SH2D3C: variants seen among roughly 807,000 people sequenced by gnomAD.
SH2D3C encodes SH2 domain containing 3C.
In SH2D3C, 25 loss-of-function variants were observed where a neutral mutation model predicts 75.2. The ratio of observed to expected loss-of-function variants is 0.33; its 90% CI spans 0.24 to 0.46. The LOEUF (loss-of-function observed/expected upper bound fraction) is 0.46, where lower values mean the gene tolerates loss of function less well. Ranked by LOEUF, SH2D3C falls within the 20% of genes least tolerant of loss-of-function variation. The pLI is 1.00. For synonymous variants in SH2D3C, 450 were observed against 473.7 expected (o/e 0.95, Z 0.65); for missense variants, 933 against 1,165.3 (o/e 0.80, Z 2.90).
Position 127,744,932 on chromosome 9 carries a change from C to A in SH2D3C, c.1432G>T (p.Ala478Ser). 1.3e-6 allele frequency: 2 copies of A among 1,594,194 alleles called. No individual in the cohort carries two copies. Among genetic ancestry groups the A allele is most frequent in the South Asian group, 2.3e-5 (2 of 88,284 alleles). The change falls in exon 7 of 12, where the codon GCC becomes TCC. Residue 478 changes from alanine (A) to serine (S), a missense_variant. Coordinates refer to ENST00000314830, the MANE Select transcript of SH2D3C (RefSeq NM_170600.3). The stretch of plus-strand genomic sequence containing the variant: ...CTGCTGAGTGATGGTGACGGGGAGG[C>A]CTTGCCAAGGGTGTGGGAGGGGCTG... ...HTSPSHTLGK[A>S]SPSPSLSSYS... is the part of the protein sequence containing the mutation.
chr9:127,760,440 T>A (rs1313211669), intron 3 of SH2D3C, among the ~76,000 whole-genome samples: 1 of 151,798 alleles, frequency 6.6e-6, no homozygotes, highest in Non-Finnish European at 1.5e-5. Flanking sequence ...CCATTAAGAG[T>A]ATGTGGTGTA....
rs754316927 is a variant in SH2D3C, at chr9:127,738,938, T to C, written c.2408-17A>G. The C allele has an allele frequency of 6.4e-6, 10 of 1,550,722 alleles. No homozygotes were observed. The highest frequency in any genetic ancestry group is 1.4e-5 in the African/African-American group (1 of 73,730). The stretch of plus-strand genomic sequence containing the variant: ...CCTGGAACCCTGCAGTGTTGGGGCA[T>C]AGGGTCAGGGCAGAGGCTGGGGTTC... On this transcript the variant is annotated splice_polypyrimidine_tract_variant and intron_variant, in intron 11 of 11. Transcript: ENST00000314830. The surrounding 1 kb of genome is among the most constrained non-coding windows in gnomAD (Gnocchi z 5.0).
intron 2 of SH2D3C, among the ~76,000 whole-genome samples, chr9:127,766,538 T>G (rs565431529): frequency 1.6e-4 from 24 of 152,336 alleles, no homozygotes; most frequent in Admixed American, 3.3e-4. Flanking sequence ...CCTGGGGGGC[T>G]GAAGTTTCTT....
In SH2D3C at chr9:127,774,902, C is replaced by G. The variant is rs898186822; in HGVS notation, c.38-435G>C. Among the ~76,000 whole-genome samples, 1 of 152,090 alleles carries G rather than the reference C, an allele frequency of 6.6e-6. No homozygotes were observed. The highest frequency in any genetic ancestry group is 2.4e-5 in the African/African-American group (1 of 41,408). ...GTCAGGAGTTCGAGACCAGCCTGGA[C>G]AACATGATGAAACCCCTTCTCTACT... On this transcript the variant is annotated intron_variant, in intron 1 of 11. Transcript: ENST00000314830. This position sits in a 1 kb window ranked among gnomAD's most constrained non-coding sequence, Gnocchi z 4.3.
At chr9:127,745,806 T>C (rs1229504873) in intron 6 of SH2D3C, among the ~76,000 whole-genome samples, 1 of 152,122 alleles carries the variant, frequency 6.6e-6, no homozygotes, top group Non-Finnish European at 1.5e-5. Context: ...GAATTAGCAA[T>C]AATGATTTGT....
chr9:127,771,388 G>A (rs764653511), intron 2 of SH2D3C: 5 of 1,321,666 alleles, frequency 3.8e-6, no homozygotes, highest in Admixed American at 4.0e-5. Context: ...CTCCTTGCCC[G>A]GCCCCACTCC....
At chr9:127,773,584 T>C (rs372732635) in intron 2 of SH2D3C, among the ~76,000 whole-genome samples, 2 of 152,194 alleles carry the variant, frequency 1.3e-5, no homozygotes, top group East Asian at 3.8e-4. Context: ...GCACAGTACC[T>C]GGTCTACAGT....
chr9:127,761,601 C>T lies in SH2D3C; in HGVS notation c.555+10G>A, dbSNP rs761749734. 3 of 1,607,032 alleles carry T rather than the reference C, an allele frequency of 1.9e-6. No individual in the cohort carries two copies. The South Asian group carries it at 3.3e-5, about 18-fold the overall frequency. The stretch of plus-strand genomic sequence containing the variant: ...TGTCCTCTGACCAACCCCTGGCCAG[C>T]CCCTCCTACCTTCACATAGTCGCTG... On this transcript the variant is annotated intron_variant, in intron 3 of 11. Coordinates refer to ENST00000314830, the MANE Select transcript of SH2D3C (RefSeq NM_170600.3).
In SH2D3C at chr9:127,739,713, C is replaced by T. The variant is rs756684481; in HGVS notation, c.2376G>A (p.Leu792=). 1.9e-6 allele frequency: 3 copies of T among 1,610,878 alleles called. No individual in the cohort carries two copies. Among genetic ancestry groups the T allele is most frequent in the East Asian group, 2.2e-5 (1 of 44,866 alleles). ...GCTTGACTTCAGCATTGGTGTGGTA[C>T]AGGCCTCCGTGGTGTGCCACTGTGC... ...AARTVAHHGG[L]YHTNAEVKLQ... The change falls in exon 11 of 12, where the codon CTG becomes CTA. Residue 792 remains leucine (L), a synonymous_variant. Coordinates refer to ENST00000314830, the MANE Select transcript of SH2D3C (RefSeq NM_170600.3). This position sits in a 1 kb window ranked among gnomAD's most constrained non-coding sequence, Gnocchi z 4.3.
intron 9 of SH2D3C, among the ~76,000 whole-genome samples, chr9:127,740,741 C>T (rs1456945435): frequency 6.6e-6 from 1 of 152,208 alleles, no homozygotes; most frequent in Non-Finnish European, 1.5e-5. Flanking sequence ...AGTGCAGTGG[C>T]GCAATCTCGG....
In SH2D3C at chr9:127,739,808, C is replaced by G. The variant is rs765668544; in HGVS notation, c.2281G>C (p.Glu761Gln). 2.5e-5 allele frequency: 40 copies of G among 1,591,964 alleles called. 2 individuals are homozygous for G. In the South Asian group the frequency reaches 4.5e-4, roughly 18 times the overall value. ...GTGCTGCCCCAGGGCTCAGGGCCCT[C>G]TGGTGGGGCCGAGTCACACTCCAGC... ...TLLECDSAPP[E>Q]GPEPWGSTEH... Residue 761 changes from glutamate (E) to glutamine (Q), a missense_variant, in exon 11 of 12, where the codon GAG becomes CAG. Transcript: ENST00000314830. The surrounding 1 kb of genome is among the most constrained non-coding windows in gnomAD (Gnocchi z 4.3).
At chr9:127,769,484 A>C (rs543198501) in intron 2 of SH2D3C, among the ~76,000 whole-genome samples, 4 of 149,942 alleles carry the variant, frequency 2.7e-5, no homozygotes, top group South Asian at 4.2e-4. Flanking sequence ...CTCTACTAAA[A>C]ACACACACAC....
intron 3 of SH2D3C, among the ~76,000 whole-genome samples, chr9:127,753,753 A>T (rs1265914525): frequency 6.6e-6 from 1 of 152,228 alleles, no homozygotes; most frequent in Non-Finnish European, 1.5e-5. Context: ...GGAAAAAGGG[A>T]ACCAAGACCT....
intron 3 of SH2D3C, chr9:127,755,262 C>T: frequency 8.8e-7 from 1 of 1,141,334 alleles, no homozygotes; most frequent in Non-Finnish European, 1.1e-6. Context: ...GCGTGCCTCT[C>T]AGCGGCGCGA....
intron 3 of SH2D3C, among the ~76,000 whole-genome samples, chr9:127,759,786 AT>A (rs984619442): frequency 1.2e-4 from 18 of 151,970 alleles, no homozygotes; most frequent in African/African-American, 4.1e-4. Flanking sequence ...GATCAAGACC[AT>A]CCTGGCTAAC....
intron 6 of SH2D3C, 126 bp from the exon 7 acceptor site, chr9:127,745,225 TCC>T: frequency 5.7e-6 from 4 of 700,478 alleles, no homozygotes; most frequent in Non-Finnish European, 8.3e-6. Flanking sequence ...TGTCCCCACC[TCC>T]CTGCATCACC....
At position 127,762,350 on chromosome 9, in the gene SH2D3C, C is replaced by A. The variant is rs187909848; in HGVS notation, c.516-700G>T. On this transcript the variant is annotated intron_variant, in intron 2 of 11. Coordinates refer to ENST00000314830, the MANE Select transcript of SH2D3C (RefSeq NM_170600.3). ...AATGCTACCCCTACCCTCAGGCAGC[C>A]TGGACCTGCCCCTCCAACCCCAGAC... 2.1e-5 allele frequency: 28 copies of A among 1,302,778 alleles called. No homozygotes were observed. In the African/African-American group the frequency reaches 2.4e-4, roughly 11 times the overall value. The allele number at this position is 1,302,778 out of a possible 1,614,324, so 80.7% of individuals were successfully genotyped here.
rs1845419664 is a variant in SH2D3C at position 127,757,623 on chromosome 9, TG to T, written c.555+3987del. ...ACCCAGATGATGATGATGATGATGA[TG>T]ATGATGATGATGATGATGATGATTA... On this transcript the variant is annotated intron_variant, in intron 3 of 11. Transcript: ENST00000314830. Among the ~76,000 whole-genome samples the T allele has an allele frequency of 1.5e-4, 19 of 124,282 alleles. No individual in the cohort carries two copies. In the East Asian group the frequency reaches 2.6e-3, roughly 17 times the overall value. The allele number at this position is 124,282 out of a possible 152,430, so 81.5% of individuals were successfully genotyped here. A position where few individuals can be genotyped will look rare whatever the true frequency, so the allele number is the denominator to read the frequency against.
chr9:127,738,830 C>A lies in SH2D3C; in HGVS notation c.2499G>T (p.Gln833His). ...LWGSQGASSS[Q>H]ARRYEKFDKV... ...TGTCGAACTTCTCATAGCGCCGGGC[C>A]TGGCTGCTGCTGGCACCCTGACTGC... The change falls in exon 12 of 12, where the codon CAG becomes CAT. Residue 833 changes from glutamine (Q) to histidine (H), a missense_variant. By Grantham distance (24) the Gln-to-His change is conservative (BLOSUM62 0). Transcript: ENST00000314830. This position sits in a 1 kb window ranked among gnomAD's most constrained non-coding sequence, Gnocchi z 5.0. The A allele has an allele frequency of 6.2e-7, 1 of 1,603,952 alleles. No homozygotes were observed.
Sources: allele counts gnomAD v4.1 joint callset (sites outside exome capture counted in the v4.1 genomes callset), GRCh38; gene constraint gnomAD v4.1.1; non-coding constraint Gnocchi (gnomAD v3.1); transcripts MANE v1.5; gene names NCBI Gene and HGNC (gene_info 2026-07-23, HGNC 2026-07-21).